TTC29: variants seen among roughly 807,000 people sequenced by gnomAD.
The protein encoded by TTC29 is tetratricopeptide repeat domain 29.
Under a neutral mutation model 58.1 loss-of-function variants are expected in TTC29, and 49 were observed. The observed-to-expected ratio is 0.84, with a 90% confidence interval of 0.67 to 1.07. The LOEUF (loss-of-function observed/expected upper bound fraction) is 1.07, where lower values mean the gene tolerates loss of function less well. Ranked by LOEUF, TTC29 falls within the 50% of genes least tolerant of loss-of-function variation. The pLI, the probability that TTC29 is intolerant of heterozygous loss-of-function variation, is 0.00. For synonymous variants in TTC29, 209 were observed against 196.8 expected (o/e 1.06, Z -0.52); for missense variants, 582 against 555.6 (o/e 1.05, Z -0.48).
chr4:146,751,532 A>G (rs34604683), intron 11 of TTC29, among the ~76,000 whole-genome samples: 37,342 of 152,146 alleles, frequency 0.25, 5,009 homozygotes, highest in East Asian at 0.38. Flanking sequence ...ATAAAAATCA[A>G]TAACACAAGG....
intron 7 of TTC29, 66 bp from the exon 8 acceptor site, chr4:146,867,649 C>T: frequency 5.2e-6 from 4 of 770,220 alleles, no homozygotes; most frequent in Non-Finnish European, 8.1e-6. Flanking sequence ...AAACAGAATC[C>T]TTGCTTTTCA....
At chr4:146,827,156 A>G (rs1727865016) in intron 9 of TTC29, among the ~76,000 whole-genome samples, 1 of 152,018 alleles carries the variant, frequency 6.6e-6, no homozygotes, top group Non-Finnish European at 1.5e-5. Flanking sequence ...CCTTGGCTGG[A>G]GGGAGGGGGC....
At chr4:146,902,761 ACAAT>A (rs1733240131) in intron 6 of TTC29, among the ~76,000 whole-genome samples, 1 of 152,134 alleles carries the variant, frequency 6.6e-6, no homozygotes, top group Non-Finnish European at 1.5e-5. Flanking sequence ...AGCTTTAGCT[ACAAT>A]CACATGAACT....
rs1554007328 is a variant in TTC29, at chr4:146,737,589, C to CT, written c.1331-30039dup. On this transcript the variant is annotated intron_variant, in intron 11 of 12. Transcript: ENST00000325106. ...GCAAGTGAGGCTGATGCTAGTAGCC[C>CT]TGGGGGGGGGGGGGCTACAAACGGG... Among the ~76,000 whole-genome samples, 9 of 28,492 alleles carry CT rather than the reference C, an allele frequency of 3.2e-4. 1 individual carries two copies. Among genetic ancestry groups the CT allele is most frequent in the Non-Finnish European group, 7.9e-4 (8 of 10,184 alleles). 18.7% of individuals were successfully genotyped at this position (28,492 alleles called of 152,430 possible). A position where few individuals can be genotyped will look rare whatever the true frequency, so the allele number is the denominator to read the frequency against.
chr4:146,880,354 A>G (rs972654556), intron 6 of TTC29, among the ~76,000 whole-genome samples: 1 of 152,166 alleles, frequency 6.6e-6, no homozygotes, highest in African/African-American at 2.4e-5. Context: ...TAAAGGAACA[A>G]GCACTCAAAA....
At chr4:146,905,195 A>G (rs1021629892) in intron 5 of TTC29, among the ~76,000 whole-genome samples, 3 of 152,138 alleles carry the variant, frequency 2.0e-5, no homozygotes, top group Non-Finnish European at 4.4e-5. Context: ...AACTTCCTAC[A>G]TAATGTGAAT....
At chr4:146,877,893 C>T (rs901838502) in intron 6 of TTC29, among the ~76,000 whole-genome samples, 3 of 151,994 alleles carry the variant, frequency 2.0e-5, no homozygotes, top group Non-Finnish European at 2.9e-5. Flanking sequence ...AACTGATATC[C>T]ATCTCCAAAA....
chr4:146,740,401 G>C (rs1160427209), intron 11 of TTC29, among the ~76,000 whole-genome samples: 5 of 152,010 alleles, frequency 3.3e-5, no homozygotes, highest in Non-Finnish European at 5.9e-5. Context: ...TAGATAACAG[G>C]GAATGGGTTG....
intron 11 of TTC29, among the ~76,000 whole-genome samples, chr4:146,800,201 G>C (rs1561136258): frequency 6.6e-6 from 1 of 152,174 alleles, no homozygotes; most frequent in Non-Finnish European, 1.5e-5. Context: ...CATTTGCTGT[G>C]TTCCCTCTGA....
rs201136243 is a variant in TTC29 at position 146,832,641 on chromosome 4, T to TTGTGTGTGTGTGTGTG, written c.977+1149_977+1164dup. 8.3e-4 allele frequency among the ~76,000 whole-genome samples: 124 copies of TTGTGTGTGTGTGTGTG among 149,294 alleles called. 2 individuals carry two copies. Among genetic ancestry groups the TTGTGTGTGTGTGTGTG allele is most frequent in the Admixed American group, 4.9e-3 (73 of 14,904 alleles). On this transcript the variant is annotated intron_variant, in intron 9 of 12. Coordinates refer to ENST00000325106, the MANE Select transcript of TTC29 (RefSeq NM_031956.4). ...AGCCCTCCTCCATGGCCAACTAATT[T>TTGTGTGTGTGTGTGTG]TGTGTGTGTGTGTGTGTGTGTGGTA...
intron 10 of TTC29, among the ~76,000 whole-genome samples, chr4:146,812,291 A>T (rs1751077159): frequency 6.6e-6 from 1 of 152,162 alleles, no homozygotes; most frequent in Non-Finnish European, 1.5e-5. Context: ...CTGAGATTTC[A>T]ATTATTTATT....
At chr4:146,816,961 G>A (rs1751452354) in intron 10 of TTC29, among the ~76,000 whole-genome samples, 1 of 152,076 alleles carries the variant, frequency 6.6e-6, no homozygotes, top group South Asian at 2.1e-4. Context: ...CTGGCAAAGG[G>A]GAATTGTTTG....
rs185220839 is a variant in TTC29 at position 146,805,772 on chromosome 4, G to C, written c.1102-2087C>G. On this transcript the variant is annotated intron_variant, in intron 10 of 12. Transcript: ENST00000325106. The stretch of plus-strand genomic sequence containing the variant: ...AAATCTACATTTGATTGGTGTACCT[G>C]AAAGTGATGGGCAGAATGGATCCAA... Among the ~76,000 whole-genome samples the C allele has an allele frequency of 8.3e-4, 127 of 152,238 alleles. 2 individuals are homozygous for C. Among genetic ancestry groups the C allele is most frequent in the African/African-American group, 2.4e-3 (101 of 41,530 alleles).
intron 11 of TTC29, among the ~76,000 whole-genome samples, chr4:146,742,865 A>G (rs1263980263): frequency 6.6e-6 from 1 of 151,782 alleles, no homozygotes; most frequent in African/African-American, 2.4e-5. Flanking sequence ...AGATCAGGCT[A>G]TGTATATAAA....
At chr4:146,791,193 G>A (rs566145766) in intron 11 of TTC29, among the ~76,000 whole-genome samples, 19 of 152,130 alleles carry the variant, frequency 1.2e-4, no homozygotes, top group African/African-American at 4.3e-4. Flanking sequence ...CTGTTTCATT[G>A]TGCTTTTCTT....
intron 2 of TTC29, chr4:146,944,250 G>A (rs1736708680): frequency 6.6e-6 from 1 of 152,348 alleles, no homozygotes; most frequent in African/African-American, 2.4e-5. Flanking sequence ...AAGGCCGCCT[G>A]AAGCCATTCC....
At chr4:146,881,553 C>T (rs893143055) in intron 6 of TTC29, among the ~76,000 whole-genome samples, 32 of 152,062 alleles carry the variant, frequency 2.1e-4, no homozygotes, top group Non-Finnish European at 4.3e-4. Context: ...CAATATTGAA[C>T]AGTAGCAAAA....
intron 11 of TTC29, among the ~76,000 whole-genome samples, chr4:146,791,870 A>G (rs1749482727): frequency 6.6e-6 from 1 of 152,226 alleles, no homozygotes; most frequent in African/African-American, 2.4e-5. Context: ...GGTGTGGATA[A>G]AATATTAAAT....
In TTC29 at chr4:146,867,745, G is replaced by A. The variant is rs144397737; in HGVS notation, c.800-162C>T. Among the ~76,000 whole-genome samples, 1,337 of 151,994 alleles carry A rather than the reference G, an allele frequency of 8.8e-3. 18 individuals carry two copies. The highest frequency in any genetic ancestry group is 0.031 in the African/African-American group (1,286 of 41,466). On this transcript the variant is annotated intron_variant, in intron 7 of 12. Coordinates refer to ENST00000325106, the MANE Select transcript of TTC29 (RefSeq NM_031956.4). ...TATATACTGAAAAAAAAAGGCTGAT[G>A]TAAACACAATTTACCTGGATCATAG...
Sources: allele counts gnomAD v4.1 joint callset (sites outside exome capture counted in the v4.1 genomes callset), GRCh38; gene constraint gnomAD v4.1.1; transcripts MANE v1.5; gene names NCBI Gene and HGNC (gene_info 2026-07-23, HGNC 2026-07-21).